The following CLN6 variants were observed in gnomAD, a reference collection of about 807,000 sequenced individuals.
CLN6 encodes the protein CLN6 transmembrane ER protein.
CLN6 carries 22 observed loss-of-function variants against 33.3 expected under a neutral mutation model. That is an observed-to-expected ratio of 0.66 (90% CI 0.47 to 0.94). The LOEUF is 0.94. Ranked by LOEUF, CLN6 falls within the 40% of genes least tolerant of loss-of-function variation. The pLI, the probability that CLN6 is intolerant of heterozygous loss-of-function variation, is 0.00. For synonymous variants in CLN6, 201 were observed against 174.6 expected (o/e 1.15, Z -1.19); for missense variants, 387 against 417.1 (o/e 0.93, Z 0.63).
rs1265037753 is a variant in CLN6, at chr15:68,227,472, G to A, written c.83+2030C>T. On this transcript the variant is annotated intron_variant, in intron 1 of 6. Transcript: ENST00000249806. The surrounding 1 kb of genome is among the most constrained non-coding windows in gnomAD (Gnocchi z 4.1). ...TCCAAGCATCCTAGGAACTGGACAG[G>A]ATGATTCTGCCTACTCTCTTGAGCA... 1.3e-5 allele frequency among the ~76,000 whole-genome samples: 2 copies of A among 152,210 alleles called. No individual in the cohort carries two copies. Among genetic ancestry groups the A allele is most frequent in the Non-Finnish European group, 2.9e-5 (2 of 68,040 alleles).
chr15:68,253,781 C>T (rs1009171280), intron 1 of CLN6, among the ~76,000 whole-genome samples: 10 of 150,398 alleles, frequency 6.6e-5, no homozygotes, highest in African/African-American at 2.5e-4. Context: ...AGTGGCGACA[C>T]ACAAACAGCA....
rs781711364 is a variant in CLN6, at chr15:68,218,671, A to G, written c.84-21T>C. 10 of 1,582,306 alleles carry G rather than the reference A, an allele frequency of 6.3e-6. No homozygotes were observed. In the East Asian group the frequency reaches 2.0e-4, roughly 32 times the overall value. ...CATGCCTGGGAAGGAACCAGACGAG[A>G]GAAGTCAGCTCTTCTCTCCTCCTCC... On this transcript the variant is annotated intron_variant, in intron 1 of 6. Coordinates refer to ENST00000249806, the MANE Select transcript of CLN6 (RefSeq NM_017882.3).
rs1160078533 is a variant in CLN6, at chr15:68,229,678, G to T, written c.-94C>A. On this transcript the variant is annotated 5_prime_UTR_variant, in exon 1 of 7. Coordinates refer to ENST00000249806, the MANE Select transcript of CLN6 (RefSeq NM_017882.3). ...GGAGGCCGCCGCAAATTCCCAGCGC[G>T]GGGCGGTTCGGGGCGGGCCGGCGAG... is the stretch of plus-strand genomic sequence containing the variant. 1.0e-6 allele frequency: 1 copy of T among 987,040 alleles called. No homozygotes were observed. 61.1% of individuals were successfully genotyped at this position (987,040 alleles called of 1,614,324 possible). A position where few individuals can be genotyped will look rare whatever the true frequency, so the allele number is the denominator to read the frequency against.
At chr15:68,226,450 T>C (rs1046836912) in intron 1 of CLN6, among the ~76,000 whole-genome samples, 3 of 152,154 alleles carry the variant, frequency 2.0e-5, no homozygotes, top group African/African-American at 7.2e-5. Flanking sequence ...AAAATGGAGA[T>C]AATAGTAGAT....
rs1008666445 is a variant in CLN6 at position 68,242,636 on chromosome 15, G to A, written c.179+14054C>T. ...GAAACTAATGCCTTTTTGTTCACGT[G>A]ACTTTAGTAACCTTTTGGAAATAAA... On this transcript the variant is annotated intron_variant, in intron 1 of 6. Coordinates refer to the CLN6 transcript ENST00000538696. The surrounding 1 kb of genome is among the most constrained non-coding windows in gnomAD (Gnocchi z 5.0). Among the ~76,000 whole-genome samples, 4 of 152,070 alleles carry A rather than the reference G, an allele frequency of 2.6e-5. No homozygotes were observed. The highest frequency in any genetic ancestry group is 9.7e-5 in the African/African-American group (4 of 41,408).
intron 2 of CLN6, among the ~76,000 whole-genome samples, chr15:68,217,922 TATC>T (rs1327652157): frequency 1.7e-4 from 24 of 140,026 alleles, no homozygotes; most frequent in African/African-American, 6.0e-4. Flanking sequence ...CCTACCTATC[TATC>T]TTCCATCCTC....
At chr15:68,225,127 A>G (rs992306757) in intron 1 of CLN6, among the ~76,000 whole-genome samples, 9 of 152,220 alleles carry the variant, frequency 5.9e-5, no homozygotes, top group African/African-American at 2.2e-4. Flanking sequence ...ATACAAGACA[A>G]TGAAAAGCTT....
chr15:68,253,865 A>G (rs1892405389), intron 1 of CLN6, among the ~76,000 whole-genome samples: 1 of 118,136 alleles, frequency 8.5e-6, no homozygotes, highest in Non-Finnish European at 1.6e-5. Context: ...CTATGATAAA[A>G]CTACATTTTT....
rs59823320 is a variant in CLN6 at position 68,235,587 on chromosome 15, AATATATATATATATATATATATATAT to A, written c.180-16963_180-16938del. On this transcript the variant is annotated intron_variant, in intron 1 of 6. Transcript: ENST00000538696. Reference sequence around the variant, plus strand: ...TGTGTCTAAAAAAAAAATAAAAATAAATATATATATATATATATATATATATATATATATATATATATATATCGATT... The same window carrying A: ...TGTGTCTAAAAAAAAAATAAAAATAAATATATATATATATATATATCGATT... 4.0e-4 allele frequency among the ~76,000 whole-genome samples: 38 copies of A among 95,070 alleles called. 1 individual carries two copies. The highest frequency in any genetic ancestry group is 5.3e-3 in the Middle Eastern group (1 of 190). 62.4% of individuals were successfully genotyped at this position (95,070 alleles called of 152,430 possible). A position where few individuals can be genotyped will look rare whatever the true frequency, so the allele number is the denominator to read the frequency against.
Position 68,218,610 on chromosome 15 carries a change from G to A in CLN6, c.124C>T (p.Pro42Ser), listed in dbSNP as rs1003606439. The part of the protein sequence containing the change: ...VSADEAARTA[P>S]FHLDLWFYFT... Reference sequence around the variant, plus strand: ...TAGAACCAGAGGTCGAGGTGGAAGGGAGCCGTGCGGGCAGCCTCATCAGCG... The same window carrying A: ...TAGAACCAGAGGTCGAGGTGGAAGGAAGCCGTGCGGGCAGCCTCATCAGCG... The change falls in exon 2 of 7, where the codon CCC becomes TCC. Residue 42 changes from proline to serine, a missense_variant. Transcript: ENST00000249806. 2 of 1,613,960 alleles carry A rather than the reference G, an allele frequency of 1.2e-6. No homozygotes were observed. Among genetic ancestry groups the A allele is most frequent in the Non-Finnish European group, 1.7e-6 (2 of 1,179,964 alleles).
chr15:68,209,966 G>A lies in CLN6; in HGVS notation c.543-207C>T, dbSNP rs375959900. 8.5e-5 allele frequency among the ~76,000 whole-genome samples: 13 copies of A among 152,252 alleles called. No individual in the cohort carries two copies. Among genetic ancestry groups the A allele is most frequent in the African/African-American group, 2.2e-4 (9 of 41,540 alleles). ...AAACAGAAACAGGAAGGCAACGCAC[G>A]TGTGAGTCAGAGGCCCAGAGGCATC... On this transcript the variant is annotated intron_variant, in intron 5 of 6. Transcript: ENST00000249806. The surrounding 1 kb of genome is among the most constrained non-coding windows in gnomAD (Gnocchi z 4.9).
Position 68,256,886 on chromosome 15 carries a change from T to TG in CLN6, c.-19_-18insC. The TG allele has an allele frequency of 1.7e-6, 1 of 586,494 alleles. No individual in the cohort carries two copies. Among genetic ancestry groups the TG allele is most frequent in the East Asian group, 3.2e-5 (1 of 31,204 alleles). 36.3% of individuals were successfully genotyped at this position (586,494 alleles called of 1,614,324 possible). On this transcript the variant is annotated 5_prime_UTR_variant, in exon 1 of 7. Coordinates refer to the CLN6 transcript ENST00000538696. The surrounding 1 kb of genome is among the most constrained non-coding windows in gnomAD (Gnocchi z 4.1). The stretch of plus-strand genomic sequence containing the variant: ...GCTGCCATTTTCCGCCCAGGCAAGG[T>TG]CCTGGGCGCGGCTCTGGGGAGGGTC...
At chr15:68,240,623 A>G (rs1892272059) in intron 1 of CLN6, among the ~76,000 whole-genome samples, 1 of 151,854 alleles carries the variant, frequency 6.6e-6, no homozygotes, top group Non-Finnish European at 1.5e-5. Context: ...TATACATAAA[A>G]TAAAATAACA....
chr15:68,219,045 G>A lies in CLN6; in HGVS notation c.84-395C>T, dbSNP rs2093228335. On this transcript the variant is annotated intron_variant, in intron 1 of 6. Coordinates refer to ENST00000249806, the MANE Select transcript of CLN6 (RefSeq NM_017882.3). This position sits in a 1 kb window ranked among gnomAD's most constrained non-coding sequence, Gnocchi z 4.2. ...TATATCCCAGGCACTACTGTTAGCT[G>A]TTTACATGTATTATCTCATTTAATC... is the stretch of plus-strand genomic sequence containing the variant. Among the ~76,000 whole-genome samples the A allele has an allele frequency of 6.6e-6, 1 of 152,152 alleles. No individual in the cohort carries two copies. The highest frequency in any genetic ancestry group is 2.1e-4 in the South Asian group (1 of 4,836).
chr15:68,211,850 G>C lies in CLN6; in HGVS notation c.311C>G (p.Ser104Cys). The change falls in exon 4 of 7, where the codon TCC (serine) becomes TGC (cysteine). Residue 104 changes from serine to cysteine, a missense_variant. By Grantham distance (112) the Ser-to-Cys change is moderately radical. Coordinates refer to ENST00000249806, the MANE Select transcript of CLN6 (RefSeq NM_017882.3). The surrounding 1 kb of genome is among the most constrained non-coding windows in gnomAD (Gnocchi z 5.9). ...GATGGAGCGTGGCAGGGTGCGGGGG[G>C]ACCGCTCGATGAGCTGGGGTTCAGA... ...PFLLLKLIER[S>C]PRTLPRSITY... 1 of 1,613,632 alleles carries C rather than the reference G, an allele frequency of 6.2e-7. No individual in the cohort carries two copies. The highest frequency in any genetic ancestry group is 1.1e-5 in the South Asian group (1 of 91,070).
Position 68,210,047 on chromosome 15 carries a change from T to C in CLN6, c.543-288A>G, listed in dbSNP as rs1415665205. ...TGGGGGTAAGGGGTGTCTGGGGGGT[T>C]GTCTGTCTCATGCACCGCAGACACC... On this transcript the variant is annotated intron_variant, in intron 5 of 6. Transcript: ENST00000249806. The surrounding 1 kb of genome is among the most constrained non-coding windows in gnomAD (Gnocchi z 5.6). Among the ~76,000 whole-genome samples, 1 of 152,136 alleles carries C rather than the reference T, an allele frequency of 6.6e-6. No homozygotes were observed. Among genetic ancestry groups the C allele is most frequent in the Non-Finnish European group, 1.5e-5 (1 of 68,022 alleles).
intron 1 of CLN6, chr15:68,254,624 G>A (rs915421724): frequency 2.8e-5 from 18 of 639,680 alleles, no homozygotes; most frequent in East Asian, 1.9e-4. Context: ...CGCCGTTGCC[G>A]CCACCACCGT....
At chr15:68,235,581 A>AAATAAATAAATAAAT (rs1567103316) in intron 1 of CLN6, among the ~76,000 whole-genome samples, 69 of 70,744 alleles carry the variant, frequency 9.8e-4, no homozygotes, top group African/African-American at 3.3e-3. Flanking sequence ...AAAAAAAATA[A>AAATAAATAAATAAAT]AAATAAATAT....
At chr15:68,253,121 C>G (rs149089574) in intron 1 of CLN6, among the ~76,000 whole-genome samples, 1 of 152,292 alleles carries the variant, frequency 6.6e-6, no homozygotes, top group East Asian at 1.9e-4. Context: ...CAGGCTAGCA[C>G]CTTAGTGAAA....
Sources: allele counts gnomAD v4.1 joint callset (sites outside exome capture counted in the v4.1 genomes callset), GRCh38; gene constraint gnomAD v4.1.1; non-coding constraint Gnocchi (gnomAD v3.1); transcripts MANE v1.5; gene names NCBI Gene and HGNC (gene_info 2026-07-23, HGNC 2026-07-21).